The following KCNE3 variants were observed in gnomAD, a reference collection of about 807,000 sequenced individuals.
KCNE3 encodes potassium voltage-gated channel subfamily E member 3.
A neutral mutation model predicts 4.3 loss-of-function variants in KCNE3; 2 were observed. The observed-to-expected ratio is 0.47, with a 90% CI of 0.19 to 1.48. The LOEUF is 1.48. Ranked by LOEUF, KCNE3 falls within the 40% of genes most tolerant of loss-of-function variation. The pLI, the probability that KCNE3 is intolerant of heterozygous loss-of-function variation, is 0.25. For missense variants in KCNE3, 128 were observed against 136.8 expected, an observed-to-expected ratio of 0.94 and a Z score of 0.32; for synonymous variants, 47 against 52.0, an observed-to-expected ratio of 0.90 and a Z score of 0.41.
chr11:74,460,550 A>C (rs1448353617), intron 2 of KCNE3, among the ~76,000 whole-genome samples: 1 of 152,228 alleles, frequency 6.6e-6, no homozygotes, highest in Non-Finnish European at 1.5e-5. Flanking sequence ...TGGACCTTGA[A>C]GGGTTTTTAA....
At chr11:74,458,181 G>A (rs1278040202) in intron 2 of KCNE3, among the ~76,000 whole-genome samples, 1 of 152,172 alleles carries the variant, frequency 6.6e-6, no homozygotes, top group Non-Finnish European at 1.5e-5. Context: ...ACTTATGACA[G>A]CATTCAATAA....
At position 74,467,513 on chromosome 11, in the gene KCNE3, C is replaced by CGG. The variant is rs956379420; in HGVS notation, c.-307_-306dup. On this transcript the variant is annotated 5_prime_UTR_variant, in exon 1 of 3. Transcript: ENST00000310128. The surrounding 1 kb of genome is among the most constrained non-coding windows in gnomAD (Gnocchi z 4.4). ...ATTCCACCAGCCCCGTTCCACTCCG[C>CGG]GGGTGCCCAGCACCGCCCAGCGCGC... The CGG allele has an allele frequency of 2.0e-5, 3 of 152,750 alleles. No homozygotes were observed. Among genetic ancestry groups the CGG allele is most frequent in the African/African-American group, 7.2e-5 (3 of 41,454 alleles). The allele number at this position is 152,750 out of a possible 1,614,324, so 9.5% of individuals were successfully genotyped here.
At chr11:74,464,431 G>A (rs1317392788) in intron 1 of KCNE3, 1 of 152,272 alleles carries the variant, frequency 6.6e-6, no homozygotes, top group Admixed American at 6.5e-5. Context: ...CCCCTTGGTG[G>A]TCTTACCACT....
intron 2 of KCNE3, 110 bp downstream of exon 2, chr11:74,461,845 C>G (rs1863960742): frequency 6.6e-6 from 1 of 151,306 alleles, no homozygotes; most frequent in Admixed American, 6.6e-5. Context: ...CTAGTCGTCC[C>G]AAGCTCCATC....
At chr11:74,466,148 C>T (rs771338848) in intron 1 of KCNE3, among the ~76,000 whole-genome samples, 14 of 152,190 alleles carry the variant, frequency 9.2e-5, no homozygotes, top group Non-Finnish European at 2.1e-4. Flanking sequence ...CCCTACTAGG[C>T]CAACACGTCT....
chr11:74,456,485 A>T lies in KCNE3; in HGVS notation c.*767T>A, dbSNP rs72552105. 1.3e-5 allele frequency: 2 copies of T among 152,194 alleles called. No homozygotes were observed. Among genetic ancestry groups the T allele is most frequent in the Admixed American group, 6.5e-5 (1 of 15,268 alleles). The allele number at this position is 152,194 out of a possible 1,614,324, so 9.4% of individuals were successfully genotyped here. A position where few individuals can be genotyped will look rare whatever the true frequency, so the allele number is the denominator to read the frequency against. ...GGTTCAAGAAGCATATGAACCATAG[A>T]GCTAACGAGGCCTAACATTCAGGGT... On this transcript the variant is annotated 3_prime_UTR_variant, in exon 3 of 3. Coordinates refer to ENST00000310128, the MANE Select transcript of KCNE3 (RefSeq NM_005472.5).
intron 2 of KCNE3, among the ~76,000 whole-genome samples, chr11:74,461,393 G>A (rs552017377): frequency 5.9e-5 from 9 of 152,122 alleles, no homozygotes; most frequent in Admixed American, 4.6e-4. Flanking sequence ...TACTTTGGGA[G>A]GCTGAGGCCA....
Position 74,457,072 on chromosome 11 carries a change from A to G in KCNE3, c.*180T>C. 1 of 649,140 alleles carries G rather than the reference A, an allele frequency of 1.5e-6. No individual in the cohort carries two copies. Among genetic ancestry groups the G allele is most frequent in the East Asian group, 2.7e-5 (1 of 36,606 alleles). 40.2% of individuals were successfully genotyped at this position (649,140 alleles called of 1,614,324 possible). A position where few individuals can be genotyped will look rare whatever the true frequency, so the allele number is the denominator to read the frequency against. On this transcript the variant is annotated 3_prime_UTR_variant, in exon 3 of 3. Transcript: ENST00000310128. ...TTTTCCTGGGAAAAAATCCTTATGC[A>G]CAAGGCTTCGGTCTACCAGCCCCTC...
chr11:74,464,749 T>C (rs967253251), intron 1 of KCNE3, among the ~76,000 whole-genome samples: 1 of 152,168 alleles, frequency 6.6e-6, no homozygotes, highest in Non-Finnish European at 1.5e-5. Context: ...CTCTTCTGAT[T>C]ACCACTGAAG....
intron 2 of KCNE3, among the ~76,000 whole-genome samples, chr11:74,459,664 C>T (rs1420776847): frequency 6.6e-6 from 1 of 152,184 alleles, no homozygotes; most frequent in Non-Finnish European, 1.5e-5. Flanking sequence ...CAGTGCTCCC[C>T]ACCTCTCAGC....
rs1165828575 is a variant in KCNE3 at position 74,455,319 on chromosome 11, T to C, written c.*1933A>G. 1 of 152,202 alleles carries C rather than the reference T, an allele frequency of 6.6e-6. No homozygotes were observed. Among genetic ancestry groups the C allele is most frequent in the Non-Finnish European group, 1.5e-5 (1 of 68,038 alleles). The allele number at this position is 152,202 out of a possible 1,614,324, so 9.4% of individuals were successfully genotyped here. Reference sequence around the variant, plus strand: ...AGGGACCGCATGGAGATCCCTTAAGTTGAAACTGGACAAACAGAACAGTGG... The same window carrying C: ...AGGGACCGCATGGAGATCCCTTAAGCTGAAACTGGACAAACAGAACAGTGG... On this transcript the variant is annotated 3_prime_UTR_variant, in exon 3 of 3. Transcript: ENST00000310128.
At chr11:74,464,324 G>A (rs1347408931) in intron 1 of KCNE3, 1 of 152,182 alleles carries the variant, frequency 6.6e-6, no homozygotes, top group Non-Finnish European at 1.5e-5. Flanking sequence ...CGTCTTCAGT[G>A]TCTGGAAATG....
intron 2 of KCNE3, among the ~76,000 whole-genome samples, chr11:74,459,419 G>C (rs1411512724): frequency 6.6e-6 from 1 of 151,718 alleles, no homozygotes; most frequent in African/African-American, 2.4e-5. Context: ...CCGCCATCAC[G>C]CCAGGCTAAT....
In KCNE3 at chr11:74,456,155, A is replaced by ATATATATATATATATATATAT; in HGVS notation, c.*1096_*1097insATATATATATATATATATATA. 1 of 113,096 alleles carries ATATATATATATATATATATAT rather than the reference A, an allele frequency of 8.8e-6. No homozygotes were observed. The highest frequency in any genetic ancestry group is 3.0e-4 in the South Asian group (1 of 3,296). 7.0% of individuals were successfully genotyped at this position (113,096 alleles called of 1,614,324 possible). A position where few individuals can be genotyped will look rare whatever the true frequency, so the allele number is the denominator to read the frequency against. ...ACATGTGAAACCCTGTCTCTACTTAAATATATATATATATATATATATATA... is the reference window on the plus strand; with the variant it reads ...ACATGTGAAACCCTGTCTCTACTTAATATATATATATATATATATATATATATATATATATATATATATATA... On this transcript the variant is annotated 3_prime_UTR_variant, in exon 3 of 3. Transcript: ENST00000310128.
intron 1 of KCNE3, among the ~76,000 whole-genome samples, chr11:74,463,846 C>G (rs1864006326): frequency 6.6e-6 from 1 of 152,142 alleles, no homozygotes; most frequent in African/African-American, 2.4e-5. Flanking sequence ...GCAGTGTTTC[C>G]TCACACCTAA....
At chr11:74,465,053 A>C (rs1275790378) in intron 1 of KCNE3, among the ~76,000 whole-genome samples, 1 of 151,962 alleles carries the variant, frequency 6.6e-6, no homozygotes, top group Non-Finnish European at 1.5e-5. Context: ...TTTTTTCCCA[A>C]AAGTGCTTTG....
At chr11:74,460,997 G>A (rs1197482625) in intron 2 of KCNE3, among the ~76,000 whole-genome samples, 1 of 152,096 alleles carries the variant, frequency 6.6e-6, no homozygotes, top group Admixed American at 6.5e-5. Flanking sequence ...GGAGGAAATG[G>A]CTAAGTGAGG....
rs1864071992 is a variant in KCNE3 at position 74,467,038 on chromosome 11, G to A, written c.-190+360C>T. Among the ~76,000 whole-genome samples the A allele has an allele frequency of 6.6e-6, 1 of 152,218 alleles. No individual in the cohort carries two copies. The highest frequency in any genetic ancestry group is 2.1e-4 in the South Asian group (1 of 4,828). ...TGCTGGGTCCTGAAATGTCGTTTCT[G>A]CGTGTGCACTGGCTGCCAGCTGCAA... On this transcript the variant is annotated intron_variant, in intron 1 of 2. Coordinates refer to ENST00000310128, the MANE Select transcript of KCNE3 (RefSeq NM_005472.5). This position sits in a 1 kb window ranked among gnomAD's most constrained non-coding sequence, Gnocchi z 4.4.
rs189210508 is a variant in KCNE3 at position 74,455,469 on chromosome 11, T to C, written c.*1783A>G. On this transcript the variant is annotated 3_prime_UTR_variant, in exon 3 of 3. Coordinates refer to ENST00000310128, the MANE Select transcript of KCNE3 (RefSeq NM_005472.5). ...AGCTGTTTCTAACCTACAAACACAG[T>C]GATTACATATGGCTCAACTTAATGT... is the stretch of plus-strand genomic sequence containing the variant. The C allele has an allele frequency of 9.8e-5, 15 of 152,306 alleles. No homozygotes were observed. The highest frequency in any genetic ancestry group is 6.5e-4 in the Admixed American group (10 of 15,300). The allele number at this position is 152,306 out of a possible 1,614,324, so 9.4% of individuals were successfully genotyped here. A position where few individuals can be genotyped will look rare whatever the true frequency, so the allele number is the denominator to read the frequency against.
Sources: allele counts gnomAD v4.1 joint callset (sites outside exome capture counted in the v4.1 genomes callset), GRCh38; gene constraint gnomAD v4.1.1; non-coding constraint Gnocchi (gnomAD v3.1); transcripts MANE v1.5; gene names NCBI Gene and HGNC (gene_info 2026-07-23, HGNC 2026-07-21).